The following ZCCHC17 variants were observed in gnomAD, a reference collection of about 807,000 sequenced individuals.
The protein encoded by ZCCHC17 is zinc finger CCHC domain-containing protein 17.
In ZCCHC17, 18 loss-of-function variants were observed where a neutral mutation model predicts 30.6. The ratio of observed to expected loss-of-function variants is 0.59; its 90% CI spans 0.41 to 0.87. The LOEUF (loss-of-function observed/expected upper bound fraction) is 0.87. Among genes scored for constraint, ZCCHC17 ranks in the 40% least tolerant of loss-of-function variants. The probability of loss-of-function intolerance (pLI) is 0.00; values close to 1 mark genes in which losing one functional copy is unlikely to be tolerated. For missense variants in ZCCHC17, 263 were observed against 284.2 expected, an observed-to-expected ratio of 0.93 and a Z score of 0.54; for synonymous variants, 88 against 92.4, an observed-to-expected ratio of 0.95 and a Z score of 0.27.
chr1:31,308,188 G>A (rs1646513085), intron 1 of ZCCHC17, among the ~76,000 whole-genome samples: 2 of 152,222 alleles, frequency 1.3e-5, no homozygotes, highest in Non-Finnish European at 2.9e-5. Context: ...CTCAAGAACT[G>A]ACAAATCTGC....
At chr1:31,328,819 C>G (rs1638462094) in intron 3 of ZCCHC17, among the ~76,000 whole-genome samples, 1 of 152,148 alleles carries the variant, frequency 6.6e-6, no homozygotes, top group South Asian at 2.1e-4. Flanking sequence ...GTCTCTAGCT[C>G]CCAACCCTCC....
intron 3 of ZCCHC17, among the ~76,000 whole-genome samples, chr1:31,328,386 C>A (rs1054921816): frequency 6.6e-5 from 10 of 151,784 alleles, no homozygotes; most frequent in Non-Finnish European, 1.3e-4. Flanking sequence ...GTGGTGTGTG[C>A]CTGTAGTCCA....
chr1:31,350,560 T>C (rs1420584217), intron 7 of ZCCHC17, among the ~76,000 whole-genome samples: 3 of 152,196 alleles, frequency 2.0e-5, no homozygotes, highest in African/African-American at 7.2e-5. Context: ...GAGGCTCTTC[T>C]GTGCTATTTA....
intron 3 of ZCCHC17, among the ~76,000 whole-genome samples, chr1:31,331,899 C>G (rs1638607807): frequency 6.6e-6 from 1 of 152,076 alleles, no homozygotes; most frequent in Admixed American, 6.6e-5. Context: ...CGTAAGCCAC[C>G]ATGCCCGGCC....
At chr1:31,300,235 T>G (rs892148177) in intron 1 of ZCCHC17, among the ~76,000 whole-genome samples, 39 of 152,162 alleles carry the variant, frequency 2.6e-4, no homozygotes, top group Admixed American at 4.6e-4. Flanking sequence ...AATTGTTGTA[T>G]TTTTTATAGA....
chr1:31,319,305 T>A, intron 3 of ZCCHC17, 139 bp downstream of exon 3: 2 of 664,022 alleles, frequency 3.0e-6, no homozygotes, highest in Non-Finnish European at 5.0e-6. Context: ...TAGATATGAA[T>A]ACAAGATGAC....
At chr1:31,361,681 A>C (rs940545408) in intron 7 of ZCCHC17, among the ~76,000 whole-genome samples, 4 of 152,210 alleles carry the variant, frequency 2.6e-5, no homozygotes, top group African/African-American at 4.8e-5. Context: ...GAAGATCCCA[A>C]CTGCGCCTAT....
At chr1:31,317,549 C>T (rs924497053) in intron 2 of ZCCHC17, among the ~76,000 whole-genome samples, 2 of 152,144 alleles carry the variant, frequency 1.3e-5, no homozygotes, top group African/African-American at 4.8e-5. Context: ...CAAGATCCTA[C>T]AGGTGGGAAA....
intron 7 of ZCCHC17, among the ~76,000 whole-genome samples, chr1:31,352,975 C>A (rs1490321851): frequency 1.3e-5 from 2 of 152,166 alleles, no homozygotes; most frequent in Non-Finnish European, 2.9e-5. Flanking sequence ...ATTGTACGTT[C>A]CCATCAATAA....
At chr1:31,301,392 T>TTC (rs1239076081) in intron 1 of ZCCHC17, among the ~76,000 whole-genome samples, 2 of 152,242 alleles carry the variant, frequency 1.3e-5, no homozygotes, top group African/African-American at 4.8e-5. Flanking sequence ...TTTACTTAGC[T>TTC]TCTCTTGTGT....
At chr1:31,308,924 G>T (rs1646532220) in intron 1 of ZCCHC17, among the ~76,000 whole-genome samples, 1 of 152,148 alleles carries the variant, frequency 6.6e-6, no homozygotes, top group Non-Finnish European at 1.5e-5. Context: ...GTATGCGTAT[G>T]AATTGCTGTA....
At chr1:31,328,414 G>C (rs1350661118) in intron 3 of ZCCHC17, among the ~76,000 whole-genome samples, 2 of 152,130 alleles carry the variant, frequency 1.3e-5, no homozygotes, top group East Asian at 3.9e-4. Flanking sequence ...TGAGGGGGCT[G>C]AGGGGGTTGT....
At chr1:31,350,361 G>A (rs747202548) in intron 7 of ZCCHC17, among the ~76,000 whole-genome samples, 1 of 151,934 alleles carries the variant, frequency 6.6e-6, no homozygotes, top group Non-Finnish European at 1.5e-5. Flanking sequence ...TTTTCTGGGT[G>A]AGGAAAAGTT....
At chr1:31,335,324 C>T (rs1195965407) in intron 3 of ZCCHC17, among the ~76,000 whole-genome samples, 2 of 152,180 alleles carry the variant, frequency 1.3e-5, no homozygotes, top group Non-Finnish European at 2.9e-5. Context: ...GGATTTTGGA[C>T]AGACAGGAAA....
At chr1:31,361,269 C>A (rs974668071) in intron 7 of ZCCHC17, among the ~76,000 whole-genome samples, 1 of 152,204 alleles carries the variant, frequency 6.6e-6, no homozygotes, top group Non-Finnish European at 1.5e-5. Flanking sequence ...ATTTCATCTT[C>A]TCTTAAAACT....
intron 7 of ZCCHC17, among the ~76,000 whole-genome samples, chr1:31,353,224 T>TTTG (rs757083189): frequency 6.6e-6 from 1 of 152,198 alleles, no homozygotes; most frequent in Non-Finnish European, 1.5e-5. Flanking sequence ...GCTTGTTTAT[T>TTTG]TTGTTGTTGT....
intron 2 of ZCCHC17, among the ~76,000 whole-genome samples, chr1:31,316,258 T>C (rs562253359): frequency 3.9e-5 from 6 of 152,144 alleles, no homozygotes; most frequent in Non-Finnish European, 7.4e-5. Flanking sequence ...TGTGCCGCCA[T>C]GCCCAGCTAA....
intron 5 of ZCCHC17, among the ~76,000 whole-genome samples, chr1:31,344,894 T>C (rs928403570): frequency 6.5e-5 from 7 of 107,600 alleles, no homozygotes; most frequent in African/African-American, 2.2e-4. Context: ...AGGGTCTTGC[T>C]CTGTCACCCA....
intron 7 of ZCCHC17, among the ~76,000 whole-genome samples, chr1:31,357,406 C>T (rs1639683321): frequency 6.6e-6 from 1 of 152,174 alleles, no homozygotes; most frequent in African/African-American, 2.4e-5. Flanking sequence ...TCACAATCTG[C>T]CCAGCTTCCT....
Sources: allele counts gnomAD v4.1 joint callset (sites outside exome capture counted in the v4.1 genomes callset), GRCh38; gene constraint gnomAD v4.1.1; transcripts MANE v1.5; gene names NCBI Gene and HGNC (gene_info 2026-07-23, HGNC 2026-07-21).